KIF21A: variants seen among roughly 807,000 people sequenced by gnomAD.
The protein encoded by KIF21A is kinesin family member 21A, also known as kinesin-like protein KIF21A.
Under a neutral mutation model 202.9 loss-of-function variants are expected in KIF21A, and 114 were observed. That is an observed-to-expected ratio of 0.56 (90% CI 0.48 to 0.66). KIF21A has a LOEUF of 0.66. Ranked by LOEUF, KIF21A falls within the 30% of genes least tolerant of loss-of-function variation. The pLI, the probability that KIF21A is intolerant of heterozygous loss-of-function variation, is 0.00. For synonymous variants in KIF21A, 667 were observed against 670.8 expected (o/e 0.99, Z 0.09); for missense variants, 1,677 against 1,994.9 (o/e 0.84, Z 3.04).
chr12:39,335,925 C>A (rs977407196), intron 17 of KIF21A, among the ~76,000 whole-genome samples: 1 of 152,166 alleles, frequency 6.6e-6, no homozygotes, highest in African/African-American at 2.4e-5. Flanking sequence ...TCACTACCCC[C>A]CTTTTCTCTA....
At chr12:39,327,881 A>G (rs1391795686) in intron 24 of KIF21A, among the ~76,000 whole-genome samples, 1 of 152,212 alleles carries the variant, frequency 6.6e-6, no homozygotes. Context: ...AGACAAAACA[A>G]AACTCCCAAA....
intron 31 of KIF21A, chr12:39,312,194 AAAAG>A (rs1258245441): frequency 6.6e-6 from 1 of 152,110 alleles, no homozygotes; most frequent in Non-Finnish European, 1.5e-5. Flanking sequence ...TAGCCATAAA[AAAAG>A]AAAGAGATCA....
chr12:39,431,905 T>C (rs1428570887), intron 1 of KIF21A, among the ~76,000 whole-genome samples: 1 of 152,208 alleles, frequency 6.6e-6, no homozygotes, highest in Non-Finnish European at 1.5e-5. Context: ...TTGTATTGCC[T>C]AAATTGACAC....
At chr12:39,342,146 T>C in intron 12 of KIF21A, 22 bp from the exon 13 acceptor site, 1 of 1,495,474 alleles carries the variant, frequency 6.7e-7, no homozygotes, top group Non-Finnish European at 9.3e-7. Context: ...AACATAAGGG[T>C]ATGGTGTTAA....
At chr12:39,311,859 T>C (rs952401469) in intron 31 of KIF21A, 55 of 324,852 alleles carry the variant, frequency 1.7e-4, no homozygotes, top group African/African-American at 1.0e-3. Flanking sequence ...ATGGGAATTA[T>C]TTGAGTGTAC....
intron 9 of KIF21A, 67 bp downstream of exon 9, chr12:39,357,181 T>C: frequency 7.4e-7 from 1 of 1,354,224 alleles, no homozygotes; most frequent in South Asian, 1.2e-5. Flanking sequence ...AGGTAATTAG[T>C]GAACACAAAG....
At chr12:39,307,454 T>G in intron 34 of KIF21A, 111 bp downstream of exon 34, 1 of 954,866 alleles carries the variant, frequency 1.0e-6, no homozygotes, top group East Asian at 2.5e-5. Flanking sequence ...GCCTATGATT[T>G]TACATTAACT....
Position 39,318,095 on chromosome 12 carries a change from T to C in KIF21A, c.3886A>G (p.Asn1296Asp). 1 of 1,613,256 alleles carries C rather than the reference T, an allele frequency of 6.2e-7. No individual in the cohort carries two copies. The highest frequency in any genetic ancestry group is 8.5e-7 in the Non-Finnish European group (1 of 1,179,318). ...VFNRLTVSQG[N>D]TSVQQDKSDE... ...TACTTATCCTGCTGAACTGATGTGTTTCCCTGAGAAACAGTAAGACGATTA... is the reference window on the plus strand; with the variant it reads ...TACTTATCCTGCTGAACTGATGTGTCTCCCTGAGAAACAGTAAGACGATTA... The change falls in exon 29 of 38, where the codon AAC becomes GAC. Residue 1296 changes from asparagine (N) to aspartate (D), a missense_variant. This residue lies in a region of KIF21A where 705 missense variants were observed against 791.9 expected (regional missense o/e 0.89). Coordinates refer to ENST00000361418, the MANE Select transcript of KIF21A (RefSeq NM_001173464.2).
At chr12:39,318,532 G>C (rs1944835094) in intron 28 of KIF21A, among the ~76,000 whole-genome samples, 1 of 152,180 alleles carries the variant, frequency 6.6e-6, no homozygotes, top group South Asian at 2.1e-4. Context: ...AAGAGACCCA[G>C]AGAGCTTACG....
rs79940588 is a variant in KIF21A at position 39,341,739 on chromosome 12, C to G, written c.1804-117G>C. Reference sequence around the variant, plus strand: ...AAACATAAAAAAATTCACTTGTCATCAGTATAAAAATGTTAAGGTTATTAC... The same window carrying G: ...AAACATAAAAAAATTCACTTGTCATGAGTATAAAAATGTTAAGGTTATTAC... On this transcript the variant is annotated intron_variant, in intron 13 of 37. Transcript: ENST00000361418. 1.1e-3 allele frequency: 1,213 copies of G among 1,136,540 alleles called. 10 individuals are homozygous for G. In the African/African-American group the frequency reaches 0.016, roughly 15 times the overall value. 70.4% of individuals were successfully genotyped at this position (1,136,540 alleles called of 1,614,324 possible).
rs2140538332 is a variant in KIF21A at position 39,442,788 on chromosome 12, A to C, written c.44+139T>G. The C allele has an allele frequency of 9.4e-7, 1 of 1,064,924 alleles. No individual in the cohort carries two copies. Among genetic ancestry groups the C allele is most frequent in the East Asian group, 2.9e-5 (1 of 33,934 alleles). 66.0% of individuals were successfully genotyped at this position (1,064,924 alleles called of 1,614,324 possible). A position where few individuals can be genotyped will look rare whatever the true frequency, so the allele number is the denominator to read the frequency against. On this transcript the variant is annotated intron_variant, in intron 1 of 37. Transcript: ENST00000361418. The surrounding 1 kb of genome is among the most constrained non-coding windows in gnomAD (Gnocchi z 5.0). ...CAGGCCAGCGGGGACTCACTGCCTC[A>C]GTTTCCTCAGCCGCAGAACCCGGCC...
intron 27 of KIF21A, among the ~76,000 whole-genome samples, chr12:39,320,742 C>T (rs757046156): frequency 4.0e-4 from 60 of 151,206 alleles, no homozygotes; most frequent in Non-Finnish European, 8.1e-4. Flanking sequence ...CAAAACCAGC[C>T]TGGACAACAT....
intron 32 of KIF21A, among the ~76,000 whole-genome samples, chr12:39,310,004 G>C (rs1230187358): frequency 6.6e-6 from 1 of 151,912 alleles, no homozygotes; most frequent in Non-Finnish European, 1.5e-5. Flanking sequence ...ATGTGGTATT[G>C]AAAAAATATT....
chr12:39,436,440 ATATATATATTTT>A (rs1308858435), intron 1 of KIF21A, among the ~76,000 whole-genome samples: 1 of 118,322 alleles, frequency 8.5e-6, no homozygotes, highest in Non-Finnish European at 1.6e-5. Context: ...ATATATATAT[ATATATATATTTT>A]TTTTTTTTTT....
chr12:39,371,380 C>G (rs1223909373), intron 1 of KIF21A, among the ~76,000 whole-genome samples: 1 of 152,234 alleles, frequency 6.6e-6, no homozygotes, highest in Non-Finnish European at 1.5e-5. Context: ...CACATCCTCA[C>G]ACATCCACTT....
intron 1 of KIF21A, among the ~76,000 whole-genome samples, chr12:39,412,242 A>G (rs578177698): frequency 6.6e-6 from 1 of 152,318 alleles, no homozygotes; most frequent in African/African-American, 2.4e-5. Flanking sequence ...ATTTTAATAG[A>G]CACTTGTAAA....
At chr12:39,325,393 G>A (rs1417324823) in intron 26 of KIF21A, among the ~76,000 whole-genome samples, 5 of 150,234 alleles carry the variant, frequency 3.3e-5, no homozygotes, top group East Asian at 2.0e-4. Flanking sequence ...GTGCAGTTGC[G>A]CGATCTCGGT....
intron 31 of KIF21A, chr12:39,312,747 G>A (rs770377596): frequency 4.6e-5 from 7 of 151,852 alleles, no homozygotes; most frequent in Non-Finnish European, 5.9e-5. Context: ...CTGCTTTATG[G>A]CACTGGGCTA....
intron 11 of KIF21A, among the ~76,000 whole-genome samples, chr12:39,347,353 T>C (rs1383177338): frequency 6.6e-6 from 1 of 151,876 alleles, no homozygotes; most frequent in Non-Finnish European, 1.5e-5. Flanking sequence ...ATATTCAATA[T>C]TAAAACTTGG....
Sources: gnomAD v4.1 joint callset for allele counts (sites outside exome capture counted in the v4.1 genomes callset) on GRCh38, gnomAD v4.1.1 for gene constraint, gnomAD v4.1.1 regional missense constraint, Gnocchi (gnomAD v3.1) non-coding constraint, MANE v1.5 for transcripts, NCBI Gene and HGNC (gene_info 2026-07-23, HGNC 2026-07-21) for gene names.